PARN: variants seen among roughly 807,000 people sequenced by gnomAD.
PARN encodes poly(A)-specific ribonuclease PARN.
A neutral mutation model predicts 102.8 loss-of-function variants in PARN; 71 were observed. The ratio of observed to expected loss-of-function variants is 0.69; its 90% confidence interval spans 0.57 to 0.84. The LOEUF is 0.84. Ranked by LOEUF, PARN falls within the 40% of genes least tolerant of loss-of-function variation. The pLI is 0.00. For missense variants in PARN, 782 were observed against 760.9 expected (o/e 1.03, Z -0.33); for synonymous variants, 261 against 252.9 (o/e 1.03, Z -0.30).
intron 15 of PARN, 93 bp downstream of exon 15, chr16:14,584,656 C>T: frequency 1.1e-6 from 1 of 915,982 alleles, no homozygotes; most frequent in East Asian, 2.4e-5. Flanking sequence ...GCATTAAATA[C>T]CTCCAAACCT....
intron 21 of PARN, among the ~76,000 whole-genome samples, chr16:14,496,451 T>C (rs542755005): frequency 7.9e-4 from 120 of 152,164 alleles, no homozygotes; most frequent in Admixed American, 3.7e-3. Context: ...GAAACCCTTC[T>C]TTTTTTAAAA....
intron 22 of PARN, among the ~76,000 whole-genome samples, chr16:14,461,545 G>T (rs1427961306): frequency 6.6e-6 from 1 of 152,154 alleles, no homozygotes; most frequent in Non-Finnish European, 1.5e-5. Context: ...GTTTGTGCTG[G>T]CGTTACTTCT....
chr16:14,462,253 T>C (rs149195629), intron 22 of PARN, among the ~76,000 whole-genome samples: 1 of 151,604 alleles, frequency 6.6e-6, no homozygotes, highest in Non-Finnish European at 1.5e-5. Flanking sequence ...GAAATTAAAA[T>C]AGGAGTTGAA....
intron 21 of PARN, among the ~76,000 whole-genome samples, chr16:14,496,291 A>G (rs80055393): frequency 1.3e-5 from 2 of 152,160 alleles, no homozygotes; most frequent in African/African-American, 4.8e-5. Flanking sequence ...AGCCCAACAC[A>G]AAAAAGGGCT....
In PARN at chr16:14,513,670, C is replaced by T. The variant is rs541148086; in HGVS notation, c.1481-30843G>A. ...TCTGCCACTCCTGGAACCTGTCGGCCCTTCTCCCTGTTGTGGCTGAGCCTT... is the reference window on the plus strand; with the variant it reads ...TCTGCCACTCCTGGAACCTGTCGGCTCTTCTCCCTGTTGTGGCTGAGCCTT... On this transcript the variant is annotated intron_variant, in intron 21 of 23. Transcript: ENST00000437198. Among the ~76,000 whole-genome samples the T allele has an allele frequency of 6.2e-4, 95 of 152,276 alleles. 1 individual carries two copies. The highest frequency in any genetic ancestry group is 1.1e-3 in the Non-Finnish European group (78 of 68,030).
chr16:14,553,722 C>A (rs1018702535), intron 20 of PARN, among the ~76,000 whole-genome samples: 1 of 152,146 alleles, frequency 6.6e-6, no homozygotes, highest in African/African-American at 2.4e-5. Context: ...AGAAGACCTC[C>A]CCTGCCATTA....
intron 22 of PARN, among the ~76,000 whole-genome samples, chr16:14,449,865 G>C (rs553433041): frequency 2.3e-4 from 35 of 152,134 alleles, no homozygotes; most frequent in Middle Eastern, 3.4e-3. Context: ...TGGGGAAATG[G>C]GTCCTTTCTC....
At chr16:14,598,593 T>G (rs1024944621) in intron 12 of PARN, among the ~76,000 whole-genome samples, 1 of 152,172 alleles carries the variant, frequency 6.6e-6, no homozygotes, top group Non-Finnish European at 1.5e-5. Context: ...ATACCTGTAA[T>G]CTCAGCCACT....
intron 22 of PARN, among the ~76,000 whole-genome samples, chr16:14,454,111 ATATAT>A (rs1430599840): frequency 6.6e-6 from 1 of 152,172 alleles, no homozygotes; most frequent in African/African-American, 2.4e-5. Context: ...ATTGCCGAGT[ATATAT>A]TATAAGAGTA....
intron 22 of PARN, among the ~76,000 whole-genome samples, chr16:14,481,152 A>G (rs1406582855): frequency 2.0e-5 from 3 of 152,176 alleles, no homozygotes; most frequent in Non-Finnish European, 4.4e-5. Context: ...CTACTCCTAC[A>G]TATGCAGACA....
chr16:14,435,992 A>G lies in PARN; in HGVS notation c.*725T>C, dbSNP rs1433735049. The G allele has an allele frequency of 6.6e-6, 1 of 152,288 alleles. No individual in the cohort carries two copies. Among genetic ancestry groups the G allele is most frequent in the Non-Finnish European group, 1.5e-5 (1 of 68,204 alleles). The allele number at this position is 152,288 out of a possible 1,614,324, so 9.4% of individuals were successfully genotyped here. ...CGTACCCCGAGACCGCCATCCAAAC[A>G]AACGAACAGAGACTCTGGAAAGTGA... On this transcript the variant is annotated 3_prime_UTR_variant, in exon 24 of 24. Transcript: ENST00000437198.
At chr16:14,449,374 G>C (rs1355114940) in intron 22 of PARN, among the ~76,000 whole-genome samples, 1 of 152,138 alleles carries the variant, frequency 6.6e-6, no homozygotes, top group African/African-American at 2.4e-5. Context: ...TAATGGATTA[G>C]ATATCTAAAT....
chr16:14,529,830 G>A (rs1966222355), intron 21 of PARN, among the ~76,000 whole-genome samples: 1 of 152,120 alleles, frequency 6.6e-6, no homozygotes, highest in Non-Finnish European at 1.5e-5. Flanking sequence ...GGTAGACTGT[G>A]CTGGAGAAGG....
chr16:14,472,025 C>T (rs1016173995), intron 22 of PARN, among the ~76,000 whole-genome samples: 2 of 152,138 alleles, frequency 1.3e-5, no homozygotes, highest in Admixed American at 6.5e-5. Context: ...TGAACTATCC[C>T]CTCTCAAAGA....
At position 14,493,285 on chromosome 16, in the gene PARN, G is replaced by A. The variant is rs116201792; in HGVS notation, c.1481-10458C>T. Among the ~76,000 whole-genome samples, 480 of 152,180 alleles carry A rather than the reference G, an allele frequency of 3.2e-3. 5 individuals carry two copies. Among genetic ancestry groups the A allele is most frequent in the African/African-American group, 0.011 (458 of 41,496 alleles). ...GGCTGGAGTGCAGTGGTGCAATCAC[G>A]GCTCACTGTAGCCTCGAGTTTCTGG... On this transcript the variant is annotated intron_variant, in intron 21 of 23. Coordinates refer to ENST00000437198, the MANE Select transcript of PARN (RefSeq NM_002582.4).
intron 21 of PARN, among the ~76,000 whole-genome samples, chr16:14,509,967 C>T (rs1185499164): frequency 1.3e-5 from 2 of 152,196 alleles, no homozygotes; most frequent in Non-Finnish European, 2.9e-5. Flanking sequence ...TAACAATTAT[C>T]TTTCGGTGGA....
chr16:14,594,668 A>G (rs1454547601), intron 12 of PARN, among the ~76,000 whole-genome samples: 1 of 152,166 alleles, frequency 6.6e-6, no homozygotes, highest in Non-Finnish European at 1.5e-5. Flanking sequence ...GTGAGCTGAG[A>G]TCGCACCACT....
intron 23 of PARN, among the ~76,000 whole-genome samples, chr16:14,437,454 CTCT>C (rs1376530183): frequency 6.6e-6 from 1 of 152,196 alleles, no homozygotes. Context: ...GGCTGGGGTC[CTCT>C]TCTTGGATTG....
intron 18 of PARN, among the ~76,000 whole-genome samples, chr16:14,556,755 C>A (rs1567381561): frequency 6.6e-6 from 1 of 152,036 alleles, no homozygotes; most frequent in African/African-American, 2.4e-5. Flanking sequence ...GTAACCCTTA[C>A]AATGGGCATT....
Sources: allele counts gnomAD v4.1 joint callset (sites outside exome capture counted in the v4.1 genomes callset), GRCh38; gene constraint gnomAD v4.1.1; transcripts MANE v1.5; gene names NCBI Gene and HGNC (gene_info 2026-07-23, HGNC 2026-07-21).